TMEM150C: variants seen among roughly 807,000 people sequenced by gnomAD.
TMEM150C encodes tentonin 3.
TMEM150C carries 10 observed loss-of-function variants against 29.9 expected under a neutral mutation model. That is an observed-to-expected ratio of 0.33 (90% CI 0.21 to 0.57). The LOEUF (loss-of-function observed/expected upper bound fraction) is 0.57, where lower values mean the gene tolerates loss of function less well. Among genes scored for constraint, TMEM150C ranks in the 20% least tolerant of loss-of-function variants. TMEM150C has a pLI of 0.88. For missense variants in TMEM150C, 251 were observed against 303.6 expected (o/e 0.83, Z 1.29); for synonymous variants, 101 against 112.5 (o/e 0.90, Z 0.64).
intron 1 of TMEM150C, among the ~76,000 whole-genome samples, chr4:82,561,616 G>T (rs1725933372): frequency 6.7e-6 from 1 of 148,758 alleles, no homozygotes; most frequent in Admixed American, 6.7e-5. Context: ...CGGGGACCGA[G>T]GCGCGCCGGC....
At chr4:82,556,140 G>A (rs765656887) in intron 1 of TMEM150C, among the ~76,000 whole-genome samples, 2 of 151,122 alleles carry the variant, frequency 1.3e-5, no homozygotes, top group South Asian at 2.1e-4. Context: ...CACCACACCC[G>A]GCTAATTTTG....
At chr4:82,541,718 C>T (rs1224114996) in intron 1 of TMEM150C, among the ~76,000 whole-genome samples, 3 of 152,064 alleles carry the variant, frequency 2.0e-5, no homozygotes, top group Admixed American at 1.3e-4. Flanking sequence ...ACTTAAATGA[C>T]GGTGGGGTTC....
Position 82,553,508 on chromosome 4 carries a change from T to C in TMEM150C, c.-11+8398A>G, listed in dbSNP as rs544307510. ...CAAGCCAAGACTCTAAGAAATAAAT[T>C]GCGTGCCTTCCAAAGGCATTTTCTG... On this transcript the variant is annotated intron_variant, in intron 1 of 7. Transcript: ENST00000449862. Among the ~76,000 whole-genome samples, 7 of 152,308 alleles carry C rather than the reference T, an allele frequency of 4.6e-5. No individual in the cohort carries two copies. The East Asian group carries it at 5.8e-4, about 13-fold the overall frequency.
At chr4:82,539,138 C>T (rs1440357186) in intron 1 of TMEM150C, among the ~76,000 whole-genome samples, 1 of 152,004 alleles carries the variant, frequency 6.6e-6, no homozygotes, top group African/African-American at 2.4e-5. Flanking sequence ...GCTAAGAAAA[C>T]CAGGAATAAA....
At chr4:82,492,022 G>A (rs1429349041) in intron 6 of TMEM150C, among the ~76,000 whole-genome samples, 1 of 146,888 alleles carries the variant, frequency 6.8e-6, no homozygotes, top group African/African-American at 2.6e-5. Context: ...TGCAATCTCT[G>A]TTTCCTGGGT....
rs144537089 is a variant in TMEM150C, at chr4:82,556,541, T to C, written c.-11+5365A>G. 2.4e-3 allele frequency among the ~76,000 whole-genome samples: 372 copies of C among 152,294 alleles called. 3 individuals are homozygous for C. The highest frequency in any genetic ancestry group is 8.4e-3 in the African/African-American group (351 of 41,558). On this transcript the variant is annotated intron_variant, in intron 1 of 7. Transcript: ENST00000449862. ...TTTTGAAAACACTAACAGCCAGGCA[T>C]GGTGGCACACGCCTGTAGTTCCAGC...
intron 1 of TMEM150C, among the ~76,000 whole-genome samples, chr4:82,557,967 A>G (rs1725793212): frequency 6.6e-6 from 1 of 151,852 alleles, no homozygotes; most frequent in Admixed American, 6.6e-5. Flanking sequence ...TCCTGACTTC[A>G]TGATCCACCC....
At chr4:82,526,483 T>C (rs1390812015) in intron 1 of TMEM150C, among the ~76,000 whole-genome samples, 2 of 152,234 alleles carry the variant, frequency 1.3e-5, no homozygotes, top group Non-Finnish European at 2.9e-5. Flanking sequence ...TGGCAGCAGT[T>C]AATACGCCCT....
At chr4:82,496,325 G>T (rs1416653431) in intron 5 of TMEM150C, 130 bp from the exon 6 acceptor site, 4 of 892,094 alleles carry the variant, frequency 4.5e-6, no homozygotes, top group East Asian at 2.6e-5. Flanking sequence ...TTCTAAAGCC[G>T]CAATGTGCAA....
intron 2 of TMEM150C, among the ~76,000 whole-genome samples, chr4:82,503,933 C>T (rs1009821344): frequency 9.9e-5 from 15 of 152,108 alleles, no homozygotes; most frequent in African/African-American, 2.9e-4. Flanking sequence ...GGACTGCAGA[C>T]GGAACCCATG....
At chr4:82,539,954 A>G (rs1725143022) in intron 1 of TMEM150C, among the ~76,000 whole-genome samples, 1 of 152,186 alleles carries the variant, frequency 6.6e-6, no homozygotes, top group East Asian at 1.9e-4. Context: ...AAATTTAGAG[A>G]TACCAAAGAA....
At chr4:82,535,407 A>G (rs1724972776) in intron 1 of TMEM150C, among the ~76,000 whole-genome samples, 1 of 152,234 alleles carries the variant, frequency 6.6e-6, no homozygotes, top group African/African-American at 2.4e-5. Context: ...AGACCTGATC[A>G]TTCTTAAAGG....
At chr4:82,490,284 G>T in intron 6 of TMEM150C, 46 bp from the exon 7 acceptor site, 1 of 1,555,802 alleles carries the variant, frequency 6.4e-7, no homozygotes, top group Non-Finnish European at 8.8e-7. Flanking sequence ...ATTCAGCAAA[G>T]AAGACAGGCA....
rs1723782231 is a variant in TMEM150C at position 82,502,900 on chromosome 4, A to G, written c.162T>C (p.Tyr54=). 3.1e-6 allele frequency: 5 copies of G among 1,598,080 alleles called. No homozygotes were observed. The highest frequency in any genetic ancestry group is 2.2e-5 in the East Asian group (1 of 44,516). The change falls in exon 4 of 8, where the codon TAT becomes TAC. Residue 54 remains tyrosine (Y), a synonymous_variant. Coordinates refer to ENST00000449862, the MANE Select transcript of TMEM150C (RefSeq NM_001080506.3). ...ERKPGVKHAP[Y]ISIAGDDPPA... ...GAAGAGAATTGCTGGGTTACCTTAT[A>G]TATGGTGCATGCTTCACACCAGGTT...
chr4:82,560,433 T>C (rs1279396383), intron 1 of TMEM150C, among the ~76,000 whole-genome samples: 2 of 152,210 alleles, frequency 1.3e-5, no homozygotes, highest in East Asian at 1.9e-4. Context: ...AAAACATTTA[T>C]TAAATAATGT....
chr4:82,507,719 CTCTCTCTCTTTTTTTTTTT>C (rs1723972330), intron 1 of TMEM150C, among the ~76,000 whole-genome samples: 1 of 68,274 alleles, frequency 1.5e-5, no homozygotes, highest in South Asian at 5.7e-4. Context: ...AACTCTCTCT[CTCTCTCTCTTTTTTTTTTT>C]TTTTTTTTTT....
intron 1 of TMEM150C, among the ~76,000 whole-genome samples, chr4:82,543,168 C>G (rs76618235): frequency 6.6e-6 from 1 of 152,296 alleles, no homozygotes; most frequent in African/African-American, 2.4e-5. Context: ...GACCTGTGCT[C>G]TTAACACTAC....
intron 1 of TMEM150C, among the ~76,000 whole-genome samples, chr4:82,530,839 G>A (rs906747905): frequency 6.6e-6 from 1 of 152,222 alleles, no homozygotes; most frequent in Non-Finnish European, 1.5e-5. Context: ...CATTATGGTG[G>A]AAGGCGAAGG....
At chr4:82,529,663 AG>A (rs1724773578) in intron 1 of TMEM150C, among the ~76,000 whole-genome samples, 2 of 152,268 alleles carry the variant, frequency 1.3e-5, no homozygotes, top group African/African-American at 2.4e-5. Context: ...AGAGAGGTCA[AG>A]GGATTGGCTA....
Sources: allele counts gnomAD v4.1 joint callset (sites outside exome capture counted in the v4.1 genomes callset), GRCh38; gene constraint gnomAD v4.1.1; transcripts MANE v1.5; gene names NCBI Gene and HGNC (gene_info 2026-07-23, HGNC 2026-07-21).